Variants in INSL6 observed in about 807,000 individuals in gnomAD.
The protein encoded by INSL6 is insulin-like peptide INSL6.
In INSL6, 16 loss-of-function variants were observed where a neutral mutation model predicts 9.4. The ratio of observed to expected loss-of-function variants is 1.70; its 90% CI spans 1.15 to 2.59. The LOEUF (loss-of-function observed/expected upper bound fraction) is 2.59, where lower values mean the gene tolerates loss of function less well. Among genes scored for constraint, INSL6 ranks in the 30% most tolerant of loss-of-function variants. INSL6 has a pLI of 0.00. For synonymous variants in INSL6, 154 were observed against 96.9 expected, an observed-to-expected ratio of 1.59 and a Z score of -3.46; for missense variants, 391 against 257.3, an observed-to-expected ratio of 1.52 and a Z score of -3.56.
intron 2 of INSL6, among the ~76,000 whole-genome samples, chr9:5,146,643 G>C (rs1450875860): frequency 6.6e-6 from 1 of 152,240 alleles, no homozygotes; most frequent in Non-Finnish European, 1.5e-5. Context: ...GCCCACCAAG[G>C]CTCCATCTGC....
chr9:5,023,601 T>C, the INSL6 span, among the ~76,000 whole-genome samples: 1 of 152,224 alleles, frequency 6.6e-6, no homozygotes, highest in Non-Finnish European at 1.5e-5. Flanking sequence ...ATTGGGCATC[T>C]CTAACTTAAC....
intron 2 of INSL6, among the ~76,000 whole-genome samples, chr9:5,146,127 T>C (rs1416640241): frequency 6.6e-6 from 1 of 152,148 alleles, no homozygotes; most frequent in African/African-American, 2.4e-5. Context: ...GTTTTTTTTT[T>C]CTTTTATCCT....
the INSL6 span, among the ~76,000 whole-genome samples, chr9:5,027,974 T>C: frequency 6.6e-6 from 1 of 152,198 alleles, no homozygotes; most frequent in Non-Finnish European, 1.5e-5. Context: ...ATCAGCTTCT[T>C]CCAAACTCCT....
the INSL6 span, among the ~76,000 whole-genome samples, chr9:5,079,498 GTT>G: frequency 7.9e-3 from 1,147 of 145,978 alleles, 9 homozygotes; most frequent in African/African-American, 0.026. Flanking sequence ...TGGTCCTTGG[GTT>G]TTTTTTTTTA....
intron 2 of INSL6, among the ~76,000 whole-genome samples, chr9:5,150,758 G>T (rs751691227): frequency 6.6e-6 from 1 of 151,888 alleles, no homozygotes; most frequent in African/African-American, 2.4e-5. Context: ...AAAGATACCT[G>T]TATTTGCATG....
chr9:5,093,756 A>G, the INSL6 span, among the ~76,000 whole-genome samples: 2 of 152,272 alleles, frequency 1.3e-5, no homozygotes, highest in East Asian at 3.9e-4. Context: ...ATCCTATTCT[A>G]TCATATCAAT....
chr9:5,118,764 A>G, the INSL6 span, among the ~76,000 whole-genome samples: 1 of 152,300 alleles, frequency 6.6e-6, no homozygotes, highest in African/African-American at 2.4e-5. Flanking sequence ...GATATGCAGG[A>G]AAAAAGTACA....
intron 1 of INSL6, among the ~76,000 whole-genome samples, chr9:5,179,595 A>T (rs1317903288): frequency 6.6e-6 from 1 of 152,240 alleles, no homozygotes; most frequent in African/African-American, 2.4e-5. Context: ...GAATCAACCT[A>T]AATGCCCACC....
intron 2 of INSL6, among the ~76,000 whole-genome samples, chr9:5,158,031 G>T (rs1397026450): frequency 6.6e-6 from 1 of 152,096 alleles, no homozygotes; most frequent in African/African-American, 2.4e-5. Context: ...AGAAATTCTG[G>T]AGTAGAAAAA....
the INSL6 span, among the ~76,000 whole-genome samples, chr9:5,103,134 T>G: frequency 6.8e-6 from 1 of 147,256 alleles, no homozygotes; most frequent in Non-Finnish European, 1.5e-5. Context: ...ATCACTGTGC[T>G]GTATTCAGGA....
chr9:5,085,166 C>T, the INSL6 span: 5 of 651,126 alleles, frequency 7.7e-6, no homozygotes, highest in Non-Finnish European at 1.5e-5. Context: ...CTGTCTACAT[C>T]TCCCGGCAAA....
At chr9:5,072,743 A>T in the INSL6 span, 2 of 677,262 alleles carry the variant, frequency 3.0e-6, no homozygotes, top group Non-Finnish European at 4.4e-6. Context: ...AAATGTGTCA[A>T]GGACTTTTCT....
chr9:5,114,357 T>A, the INSL6 span: 22 of 535,222 alleles, frequency 4.1e-5, no homozygotes, highest in Admixed American at 4.4e-4. Flanking sequence ...AGAGAAGCAG[T>A]GCAATGGCAC....
chr9:5,073,887 T>C, the INSL6 span: 6 of 733,038 alleles, frequency 8.2e-6, no homozygotes, highest in Non-Finnish European at 1.2e-5. Flanking sequence ...CAGTGTAAAC[T>C]ATAATTTAAC....
In INSL6 at chr9:5,126,675, C is replaced by T; in HGVS notation, c.*11-2164G>A. On this transcript the variant is annotated intron_variant, in intron 3 of 3. Coordinates refer to the INSL6 transcript ENST00000649639. The stretch of plus-strand genomic sequence containing the variant: ...TTCATTTAATTTTGGTTTATTTTCT[C>T]CTTTACAGATCTATATGATCATGAC... 4.4e-6 allele frequency: 7 copies of T among 1,583,994 alleles called. No homozygotes were observed. In the South Asian group the frequency reaches 8.0e-5, roughly 18 times the overall value.
the INSL6 span, among the ~76,000 whole-genome samples, chr9:5,103,918 G>A: frequency 6.6e-5 from 10 of 152,160 alleles, no homozygotes; most frequent in Non-Finnish European, 1.3e-4. Flanking sequence ...ATTTAAGGCA[G>A]TGTGTAGAGG....
chr9:5,015,518 ATTCTTT>A, the INSL6 span, among the ~76,000 whole-genome samples: 770 of 148,116 alleles, frequency 5.2e-3, 9 homozygotes, highest in African/African-American at 0.017. Flanking sequence ...TGATCATTGT[ATTCTTT>A]TTCTTTTTCT....
At chr9:5,052,693 C>T in the INSL6 span, among the ~76,000 whole-genome samples, 12 of 151,970 alleles carry the variant, frequency 7.9e-5, no homozygotes, top group Non-Finnish European at 1.2e-4. Flanking sequence ...TTTTTGTTTG[C>T]GTGGATTTTC....
At chr9:5,146,247 G>A (rs1264417791) in intron 2 of INSL6, among the ~76,000 whole-genome samples, 1 of 152,154 alleles carries the variant, frequency 6.6e-6, no homozygotes, top group African/African-American at 2.4e-5. Flanking sequence ...CCTGGACTGT[G>A]TGCTCTGAGA....
Sources: gnomAD v4.1 joint callset for allele counts (sites outside exome capture counted in the v4.1 genomes callset) on GRCh38, gnomAD v4.1.1 for gene constraint, MANE v1.5 for transcripts, NCBI Gene and HGNC (gene_info 2026-07-23, HGNC 2026-07-21) for gene names.